PRORP: variants seen among roughly 807,000 people sequenced by gnomAD.
PRORP encodes the protein mitochondrial ribonuclease P catalytic subunit.
Under a neutral mutation model 59.4 loss-of-function variants are expected in PRORP, and 51 were observed. The observed-to-expected ratio is 0.86, with a 90% CI of 0.69 to 1.08. PRORP has a LOEUF of 1.08. Ranked by LOEUF, PRORP falls within the 50% of genes least tolerant of loss-of-function variation. The pLI is 0.00. For synonymous variants in PRORP, 231 were observed against 245.6 expected, an observed-to-expected ratio of 0.94 and a Z score of 0.55; for missense variants, 646 against 690.3, an observed-to-expected ratio of 0.94 and a Z score of 0.72.
intron 5 of PRORP, among the ~76,000 whole-genome samples, chr14:35,199,667 C>G (rs574372645): frequency 6.6e-6 from 1 of 152,302 alleles, no homozygotes; most frequent in Non-Finnish European, 1.5e-5. Context: ...TTCCTAGCCT[C>G]CAGAACTCTG....
intron 4 of PRORP, among the ~76,000 whole-genome samples, chr14:35,156,978 C>T (rs1337596912): frequency 6.5e-4 from 78 of 119,932 alleles, no homozygotes; most frequent in African/African-American, 2.4e-3. Context: ...TTTTTTGAGA[C>T]GGAATCTTGC....
rs148637366 is a variant in PRORP at position 35,271,594 on chromosome 14, T to C, written c.1620+998T>C. On this transcript the variant is annotated intron_variant, in intron 7 of 7. Coordinates refer to ENST00000534898, the MANE Select transcript of PRORP (RefSeq NM_014672.4). The stretch of plus-strand genomic sequence containing the variant: ...TAATTCATTTCTATGACAGTCTCAA[T>C]TGAATTCTCCTTTGATTCTAGTTAA... Among the ~76,000 whole-genome samples the C allele has an allele frequency of 6.0e-3, 915 of 152,344 alleles. 3 individuals are homozygous for C. Among genetic ancestry groups the C allele is most frequent in the Non-Finnish European group, 8.9e-3 (605 of 68,028 alleles).
chr14:35,165,815 G>T (rs997787045), intron 4 of PRORP, among the ~76,000 whole-genome samples: 1 of 151,946 alleles, frequency 6.6e-6, no homozygotes. Context: ...GAATAGTTGG[G>T]ATTACAGGCA....
intron 5 of PRORP, among the ~76,000 whole-genome samples, chr14:35,243,685 T>G (rs2050417309): frequency 6.6e-6 from 1 of 152,218 alleles, no homozygotes. Context: ...GTTCGAAACC[T>G]AGTTCTGCTA....
At chr14:35,204,177 G>A (rs556690971) in intron 5 of PRORP, among the ~76,000 whole-genome samples, 2 of 151,518 alleles carry the variant, frequency 1.3e-5, no homozygotes, top group Non-Finnish European at 2.9e-5. Context: ...ACTTTAAACC[G>A]TTGTCAGAGG....
chr14:35,267,505 G>A (rs956172934), intron 6 of PRORP, among the ~76,000 whole-genome samples: 3 of 152,050 alleles, frequency 2.0e-5, no homozygotes, highest in Admixed American at 6.6e-5. Flanking sequence ...AAAAAGCCCC[G>A]ATGCAGGCCG....
rs1179008985 is a variant in PRORP at position 35,188,433 on chromosome 14, C to T, written c.1275+7656C>T. ...CTCGAACTCCTGACCTCGTGATCTG[C>T]CCGCCTCGGCCTCCCAAAGTGCTGG... On this transcript the variant is annotated intron_variant, in intron 5 of 7. Coordinates refer to ENST00000534898, the MANE Select transcript of PRORP (RefSeq NM_014672.4). Among the ~76,000 whole-genome samples the T allele has an allele frequency of 2.0e-5, 3 of 151,594 alleles. No homozygotes were observed. In the East Asian group the frequency reaches 5.8e-4, roughly 30 times the overall value.
intron 5 of PRORP, chr14:35,235,292 T>A (rs2050182157): frequency 1.5e-6 from 1 of 689,430 alleles, no homozygotes. Flanking sequence ...ATCATATCTG[T>A]CATTGTAATT....
intron 7 of PRORP, among the ~76,000 whole-genome samples, chr14:35,271,476 A>G (rs1217391692): frequency 6.6e-6 from 1 of 151,906 alleles, no homozygotes; most frequent in Non-Finnish European, 1.5e-5. Context: ...AACTTCTTAC[A>G]TGTGTTTTTT....
intron 5 of PRORP, among the ~76,000 whole-genome samples, chr14:35,266,185 C>T (rs947493921): frequency 3.3e-5 from 5 of 151,812 alleles, no homozygotes; most frequent in Non-Finnish European, 7.4e-5. Context: ...GCTGTGGTGG[C>T]GCATGCCTGT....
At chr14:35,194,921 G>T (rs2048972253) in intron 5 of PRORP, among the ~76,000 whole-genome samples, 1 of 152,048 alleles carries the variant, frequency 6.6e-6, no homozygotes, top group African/African-American at 2.4e-5. Flanking sequence ...ATCGTAAATT[G>T]TAACTATCTG....
At chr14:35,233,679 C>T in intron 5 of PRORP, among the ~76,000 whole-genome samples, 1 of 152,074 alleles carries the variant, frequency 6.6e-6, no homozygotes, top group Non-Finnish European at 1.5e-5. Context: ...TTTCCTTTGT[C>T]TTTGAGTAGT....
chr14:35,187,579 T>G (rs2139068221), intron 5 of PRORP, among the ~76,000 whole-genome samples: 1 of 151,736 alleles, frequency 6.6e-6, no homozygotes, highest in East Asian at 1.9e-4. Context: ...TGCACCACCA[T>G]GCCTGGCTAA....
chr14:35,130,732 C>T (rs575788179), intron 4 of PRORP, among the ~76,000 whole-genome samples: 62 of 152,038 alleles, frequency 4.1e-4, no homozygotes, highest in African/African-American at 1.4e-3. Flanking sequence ...TATCCAGCTG[C>T]GTCGGCCTCC....
chr14:35,227,151 A>G (rs1716762936), intron 5 of PRORP, among the ~76,000 whole-genome samples: 1 of 151,844 alleles, frequency 6.6e-6, no homozygotes, highest in Admixed American at 6.6e-5. Context: ...ATTTTCCTTA[A>G]AAGTTATGTT....
At chr14:35,224,343 T>C (rs1448475054) in intron 5 of PRORP, among the ~76,000 whole-genome samples, 1 of 152,200 alleles carries the variant, frequency 6.6e-6, no homozygotes, top group Non-Finnish European at 1.5e-5. Context: ...CAAATATTCA[T>C]TTAGAACTTG....
intron 5 of PRORP, among the ~76,000 whole-genome samples, chr14:35,219,526 T>C (rs1220747378): frequency 6.6e-6 from 1 of 152,216 alleles, no homozygotes; most frequent in Non-Finnish European, 1.5e-5. Flanking sequence ...GAAAAGTATT[T>C]GGTGGCCACT....
intron 5 of PRORP, among the ~76,000 whole-genome samples, chr14:35,195,194 T>C (rs1370171954): frequency 1.3e-5 from 2 of 152,186 alleles, no homozygotes; most frequent in Non-Finnish European, 2.9e-5. Flanking sequence ...TTTGGTACTG[T>C]ATCTATTCAA....
chr14:35,187,028 G>A (rs1035993325), intron 5 of PRORP, among the ~76,000 whole-genome samples: 1 of 152,126 alleles, frequency 6.6e-6, no homozygotes, highest in Non-Finnish European at 1.5e-5. Context: ...CCATTGTATG[G>A]ATATGCCACA....
Sources: gnomAD v4.1 joint callset for allele counts (sites outside exome capture counted in the v4.1 genomes callset) on GRCh38, gnomAD v4.1.1 for gene constraint, MANE v1.5 for transcripts, NCBI Gene and HGNC (gene_info 2026-07-23, HGNC 2026-07-21) for gene names.